The following ZC2HC1B variants were observed in gnomAD, a reference collection of about 807,000 sequenced individuals.
ZC2HC1B encodes the protein zinc finger C2HC domain-containing protein 1B.
Under a neutral mutation model 31.0 loss-of-function variants are expected in ZC2HC1B, and 36 were observed. The ratio of observed to expected loss-of-function variants is 1.16; its 90% CI spans 0.89 to 1.54. ZC2HC1B has a LOEUF of 1.54. Among genes scored for constraint, ZC2HC1B ranks in the 40% most tolerant of loss-of-function variants. The pLI is 0.00. For missense variants in ZC2HC1B, 260 were observed against 268.6 expected (o/e 0.97, Z 0.22); for synonymous variants, 73 against 88.0 (o/e 0.83, Z 0.95).
At chr6:143,912,848 C>T (rs2128496173) in intron 6 of ZC2HC1B, among the ~76,000 whole-genome samples, 1 of 152,192 alleles carries the variant, frequency 6.6e-6, no homozygotes, top group South Asian at 2.1e-4. Flanking sequence ...AGCTGAGAAG[C>T]CAAATGGCCA....
rs1378222601 is a variant in ZC2HC1B, at chr6:143,924,758, TTGAAA to T, written c.599-12887_599-12883del. Among the ~76,000 whole-genome samples the T allele has an allele frequency of 1.3e-5, 2 of 152,222 alleles. No homozygotes were observed. Among genetic ancestry groups the T allele is most frequent in the Non-Finnish European group, 2.9e-5 (2 of 68,048 alleles). On this transcript the variant is annotated intron_variant, in intron 6 of 7. Transcript: ENST00000237275. The surrounding 1 kb of genome is among the most constrained non-coding windows in gnomAD (Gnocchi z 5.2). ...TTATAAAATTCCTTTTCTCTGTCTC[TTGAAA>T]TGATCATATTGTTTTTGTCTTTCAT...
intron 1 of ZC2HC1B, among the ~76,000 whole-genome samples, chr6:143,867,123 T>G (rs1244470748): frequency 6.6e-6 from 1 of 152,190 alleles, no homozygotes; most frequent in African/African-American, 2.4e-5. Flanking sequence ...AAATAAAGTG[T>G]TTAGACTTGG....
intron 1 of ZC2HC1B, among the ~76,000 whole-genome samples, chr6:143,867,279 A>G (rs2128492779): frequency 6.6e-6 from 1 of 152,328 alleles, no homozygotes; most frequent in Non-Finnish European, 1.5e-5. Context: ...CTTAAACACA[A>G]CATCTTGTTT....
At position 143,884,390 on chromosome 6, in the gene ZC2HC1B, T is replaced by C. The variant is rs368783929; in HGVS notation, c.90+25T>C. 5.5e-4 allele frequency: 840 copies of C among 1,521,734 alleles called. 9 individuals are homozygous for C. The South Asian group carries it at 9.7e-3, about 18-fold the overall frequency. 94.3% of individuals were successfully genotyped at this position (1,521,734 alleles called of 1,614,324 possible). On this transcript the variant is annotated intron_variant, in intron 2 of 7. Coordinates refer to ENST00000237275, the MANE Select transcript of ZC2HC1B (RefSeq NM_001013623.3). The surrounding 1 kb of genome is among the most constrained non-coding windows in gnomAD (Gnocchi z 5.1). ...GGTAAACATAAAGACATTTTGTAGA[T>C]GTGTTTCATTGGACTTAAATGAACT...
At chr6:143,900,073 C>T (rs937364759) in intron 5 of ZC2HC1B, among the ~76,000 whole-genome samples, 2 of 151,986 alleles carry the variant, frequency 1.3e-5, no homozygotes, top group African/African-American at 4.8e-5. Context: ...ATCTGGGGAG[C>T]GAAAGCATAG....
At chr6:143,927,009 A>G (rs1778061135) in intron 6 of ZC2HC1B, among the ~76,000 whole-genome samples, 1 of 144,624 alleles carries the variant, frequency 6.9e-6, no homozygotes, top group Admixed American at 6.9e-5. Context: ...CTTGTTAGCC[A>G]GGATGGTCTC....
In ZC2HC1B at chr6:143,865,882, C is replaced by T. The variant is rs1003205301; in HGVS notation, c.28+1315C>T. On this transcript the variant is annotated intron_variant, in intron 1 of 7. Coordinates refer to ENST00000237275, the MANE Select transcript of ZC2HC1B (RefSeq NM_001013623.3). The surrounding 1 kb of genome is among the most constrained non-coding windows in gnomAD (Gnocchi z 4.4). ...CCGAGCTGGAGCGCAGTAGTGCGAT[C>T]TCATCTCACTGCAACCTCCAACTCC... Among the ~76,000 whole-genome samples the T allele has an allele frequency of 1.3e-5, 2 of 152,154 alleles. No homozygotes were observed. The highest frequency in any genetic ancestry group is 2.9e-5 in the Non-Finnish European group (2 of 68,032).
intron 6 of ZC2HC1B, among the ~76,000 whole-genome samples, chr6:143,935,944 C>G (rs571703075): frequency 1.3e-5 from 2 of 152,022 alleles, no homozygotes; most frequent in African/African-American, 2.4e-5. Flanking sequence ...GCCACTGCCC[C>G]TGTCTTCTTT....
Position 143,921,214 on chromosome 6 carries a change from T to C in ZC2HC1B, c.599-16435T>C, listed in dbSNP as rs1379042221. 6.6e-6 allele frequency among the ~76,000 whole-genome samples: 1 copy of C among 152,214 alleles called. No individual in the cohort carries two copies. Among genetic ancestry groups the C allele is most frequent in the Non-Finnish European group, 1.5e-5 (1 of 68,030 alleles). On this transcript the variant is annotated intron_variant, in intron 6 of 7. Transcript: ENST00000237275. The surrounding 1 kb of genome is among the most constrained non-coding windows in gnomAD (Gnocchi z 6.1). ...GCTAAAGTGTCGCCTCAGTGAGACT[T>C]CTCCAACCTCTGTATTTAAAACTAA...
intron 1 of ZC2HC1B, among the ~76,000 whole-genome samples, chr6:143,874,746 A>T (rs1417702753): frequency 6.6e-6 from 1 of 152,228 alleles, no homozygotes; most frequent in Non-Finnish European, 1.5e-5. Flanking sequence ...CCCTCCCACA[A>T]CATGTGGTAA....
At chr6:143,900,407 AAAAAG>A (rs1301021324) in intron 5 of ZC2HC1B, among the ~76,000 whole-genome samples, 5 of 149,786 alleles carry the variant, frequency 3.3e-5, no homozygotes, top group African/African-American at 9.8e-5. Flanking sequence ...AAAAAAAAAG[AAAAAG>A]AAAAGAAAAA....
intron 6 of ZC2HC1B, among the ~76,000 whole-genome samples, chr6:143,932,964 G>A (rs1349952174): frequency 1.3e-5 from 2 of 152,116 alleles, no homozygotes; most frequent in Non-Finnish European, 2.9e-5. Flanking sequence ...CTGGTTCTGG[G>A]GAATGTCTGC....
intron 4 of ZC2HC1B, among the ~76,000 whole-genome samples, chr6:143,890,629 A>G (rs1428941117): frequency 6.6e-6 from 1 of 152,164 alleles, no homozygotes; most frequent in African/African-American, 2.4e-5. Context: ...AAAATATTAT[A>G]TTTACATGTA....
chr6:143,915,141 G>A lies in ZC2HC1B; in HGVS notation c.598+11989G>A, dbSNP rs1777902487. Among the ~76,000 whole-genome samples, 1 of 152,144 alleles carries A rather than the reference G, an allele frequency of 6.6e-6. No individual in the cohort carries two copies. Among genetic ancestry groups the A allele is most frequent in the Non-Finnish European group, 1.5e-5 (1 of 68,020 alleles). On this transcript the variant is annotated intron_variant, in intron 6 of 7. Coordinates refer to ENST00000237275, the MANE Select transcript of ZC2HC1B (RefSeq NM_001013623.3). This position sits in a 1 kb window ranked among gnomAD's most constrained non-coding sequence, Gnocchi z 5.2. ...TCATCTTGAATTCCCACGTGTTGTG[G>A]GAGGGACCCAGTGGGAAGTAATTGA...
intron 6 of ZC2HC1B, among the ~76,000 whole-genome samples, chr6:143,912,405 T>C (rs1777871059): frequency 6.6e-6 from 1 of 152,244 alleles, no homozygotes; most frequent in Non-Finnish European, 1.5e-5. Context: ...TGGGCTTATC[T>C]ACCTTTGATT....
intron 1 of ZC2HC1B, among the ~76,000 whole-genome samples, chr6:143,882,270 T>C (rs974863321): frequency 3.4e-5 from 5 of 147,912 alleles, no homozygotes. Context: ...AGTTTTATAA[T>C]CAAGATGAGT....
intron 6 of ZC2HC1B, among the ~76,000 whole-genome samples, chr6:143,920,942 A>T (rs1391785131): frequency 1.3e-5 from 2 of 150,446 alleles, no homozygotes; most frequent in African/African-American, 4.9e-5. Flanking sequence ...ACTAGTTTCC[A>T]TAATACCATC....
chr6:143,876,067 A>G (rs1777405290), intron 1 of ZC2HC1B, among the ~76,000 whole-genome samples: 1 of 150,688 alleles, frequency 6.6e-6, no homozygotes, highest in Non-Finnish European at 1.5e-5. Context: ...AAGGCTGTGC[A>G]TGCACCTTTC....
At position 143,932,290 on chromosome 6, in the gene ZC2HC1B, A is replaced by G. The variant is rs568967245; in HGVS notation, c.599-5359A>G. 2.8e-4 allele frequency among the ~76,000 whole-genome samples: 43 copies of G among 152,290 alleles called. 1 individual carries two copies. The highest frequency in any genetic ancestry group is 2.7e-3 in the Admixed American group (41 of 15,294). ...TTTCTCTTCTTCGCCAGGAACACCA[A>G]TTATTTTAGGTTTGGCTGTTTAACA... On this transcript the variant is annotated intron_variant, in intron 6 of 7. Transcript: ENST00000237275.
Sources: allele counts gnomAD v4.1 joint callset (sites outside exome capture counted in the v4.1 genomes callset), GRCh38; gene constraint gnomAD v4.1.1; non-coding constraint Gnocchi (gnomAD v3.1); transcripts MANE v1.5; gene names NCBI Gene and HGNC (gene_info 2026-07-23, HGNC 2026-07-21).